The following KLHL6 variants were observed in gnomAD, a reference collection of about 807,000 sequenced individuals.
KLHL6 encodes the protein kelch-like protein 6.
In KLHL6, 41 loss-of-function variants were observed where a neutral mutation model predicts 58.6. The observed-to-expected ratio is 0.70, with a 90% CI of 0.55 to 0.91. KLHL6 has a LOEUF of 0.91. Ranked by LOEUF, KLHL6 falls within the 40% of genes least tolerant of loss-of-function variation. KLHL6 has a pLI of 0.00. For synonymous variants in KLHL6, 338 were observed against 322.7 expected, an observed-to-expected ratio of 1.05 and a Z score of -0.51; for missense variants, 714 against 805.6, an observed-to-expected ratio of 0.89 and a Z score of 1.38.
chr3:183,492,459 T>TA lies in KLHL6; in HGVS notation c.1564+34dup, dbSNP rs574145010. On this transcript the variant is annotated intron_variant, in intron 6 of 6. Coordinates refer to ENST00000341319, the MANE Select transcript of KLHL6 (RefSeq NM_130446.4). This position sits in a 1 kb window ranked among gnomAD's most constrained non-coding sequence, Gnocchi z 5.9. ...CTGCAGCCAGGCGCTCATCAGGTTC[T>TA]AAGCCATTCAGACCAATAAGAAGCC... 8,653 of 1,609,498 alleles carry TA rather than the reference T, an allele frequency of 5.4e-3. 31 individuals are homozygous for TA. Among genetic ancestry groups the TA allele is most frequent in the Non-Finnish European group, 6.7e-3 (7,898 of 1,175,896 alleles).
At chr3:183,543,837 A>G (rs1389579469) in intron 1 of KLHL6, among the ~76,000 whole-genome samples, 1 of 152,204 alleles carries the variant, frequency 6.6e-6, no homozygotes, top group African/African-American at 2.4e-5. Context: ...GCTATGATGC[A>G]ACCTGTTAGT....
intron 2 of KLHL6, among the ~76,000 whole-genome samples, chr3:183,513,443 T>TG (rs1370322621): frequency 1.3e-5 from 2 of 152,270 alleles, no homozygotes; most frequent in African/African-American, 4.8e-5. Context: ...GACAAAGGCT[T>TG]GGCAGATGCC....
rs114275969 is a variant in KLHL6 at position 183,513,754 on chromosome 3, G to A, written c.460-5246C>T. Among the ~76,000 whole-genome samples, 372 of 152,112 alleles carry A rather than the reference G, an allele frequency of 2.4e-3. 1 individual carries two copies. The highest frequency in any genetic ancestry group is 8.7e-3 in the African/African-American group (359 of 41,500). On this transcript the variant is annotated intron_variant, in intron 2 of 6. Coordinates refer to ENST00000341319, the MANE Select transcript of KLHL6 (RefSeq NM_130446.4). ...AAATTCTGGGACACTCGTGCAGAAT[G>A]TGCAGGTTTGTTACATAGGTATACG...
chr3:183,497,309 G>A (rs999035176), intron 4 of KLHL6, among the ~76,000 whole-genome samples: 1 of 152,228 alleles, frequency 6.6e-6, no homozygotes, highest in Admixed American at 6.5e-5. Flanking sequence ...CTACTCAGGA[G>A]GCTGAGGCAG....
rs192264515 is a variant in KLHL6, at chr3:183,513,818, G to T, written c.460-5310C>A. Among the ~76,000 whole-genome samples the T allele has an allele frequency of 3.4e-4, 51 of 152,196 alleles. No homozygotes were observed. The East Asian group carries it at 8.1e-3, about 24-fold the overall frequency. ...GCTGCACCTATCAACCCGTCATCTAGGTTTTAAGCCCTGCATGCATTAGGT... is the reference window on the plus strand; with the variant it reads ...GCTGCACCTATCAACCCGTCATCTATGTTTTAAGCCCTGCATGCATTAGGT... On this transcript the variant is annotated intron_variant, in intron 2 of 6. Coordinates refer to ENST00000341319, the MANE Select transcript of KLHL6 (RefSeq NM_130446.4).
chr3:183,510,815 G>A (rs182202383), intron 2 of KLHL6, among the ~76,000 whole-genome samples: 3 of 152,190 alleles, frequency 2.0e-5, no homozygotes, highest in African/African-American at 7.2e-5. Context: ...GGAGGTTGCG[G>A]TTAGCTGATA....
intron 2 of KLHL6, among the ~76,000 whole-genome samples, chr3:183,527,013 C>T (rs1296314199): frequency 3.3e-5 from 5 of 151,680 alleles, no homozygotes; most frequent in South Asian, 2.1e-4. Flanking sequence ...GCAGGAGAAT[C>T]GCTTAAACCC....
chr3:183,535,185 T>C (rs7638956), intron 1 of KLHL6, among the ~76,000 whole-genome samples: 5,678 of 152,182 alleles, frequency 0.037, 340 homozygotes, highest in African/African-American at 0.13. Flanking sequence ...CCTTGTGATC[T>C]GCCCGCCTCA....
At chr3:183,504,960 T>G (rs1717964070) in intron 3 of KLHL6, among the ~76,000 whole-genome samples, 1 of 152,234 alleles carries the variant, frequency 6.6e-6, no homozygotes, top group Non-Finnish European at 1.5e-5. Flanking sequence ...ATGCATTATT[T>G]GGTTTTCTGT....
chr3:183,534,680 G>A (rs922161570), intron 1 of KLHL6, among the ~76,000 whole-genome samples: 1 of 151,740 alleles, frequency 6.6e-6, no homozygotes, highest in Non-Finnish European at 1.5e-5. Flanking sequence ...GGGATTACAG[G>A]CATGAGCCCC....
chr3:183,517,624 G>T (rs1055431975), intron 2 of KLHL6, among the ~76,000 whole-genome samples: 1 of 152,228 alleles, frequency 6.6e-6, no homozygotes, highest in African/African-American at 2.4e-5. Context: ...CTGGGGAAAA[G>T]ACCAGCAGTG....
chr3:183,542,077 T>A (rs6800237), intron 1 of KLHL6, among the ~76,000 whole-genome samples: 2 of 151,888 alleles, frequency 1.3e-5, no homozygotes, highest in Non-Finnish European at 2.9e-5. Context: ...CTGCAGGCCC[T>A]CAGAGAGGAT....
intron 2 of KLHL6, chr3:183,520,800 G>A (rs536655120): frequency 5.3e-5 from 8 of 152,160 alleles, no homozygotes; most frequent in African/African-American, 1.9e-4. Context: ...TAGAATGTGC[G>A]ATCGGGTTTT....
At chr3:183,524,158 T>C (rs1159150322) in intron 2 of KLHL6, among the ~76,000 whole-genome samples, 1 of 152,154 alleles carries the variant, frequency 6.6e-6, no homozygotes, top group Non-Finnish European at 1.5e-5. Flanking sequence ...TCCTTCAAGA[T>C]GGAAAAATTT....
At position 183,516,466 on chromosome 3, in the gene KLHL6, GAGCAAAAGGTTGC is replaced by G. The variant is rs530824130; in HGVS notation, c.460-7971_460-7959del. On this transcript the variant is annotated intron_variant, in intron 2 of 6. Coordinates refer to ENST00000341319, the MANE Select transcript of KLHL6 (RefSeq NM_130446.4). ...CAGCTTCCTGTTTGGGGGGACATGT[GAGCAAAAGGTTGC>G]AGCCAGCCACCTGACTCTCAAATGA... 3.3e-5 allele frequency among the ~76,000 whole-genome samples: 5 copies of G among 152,350 alleles called. No individual in the cohort carries two copies. The East Asian group carries it at 9.6e-4, about 29-fold the overall frequency.
rs776726604 is a variant in KLHL6, at chr3:183,499,793, T to A, written c.944A>T (p.Glu315Val). The A allele has an allele frequency of 1.9e-6, 3 of 1,602,860 alleles. No individual in the cohort carries two copies. Among genetic ancestry groups the A allele is most frequent in the Non-Finnish European group, 2.6e-6 (3 of 1,174,762 alleles). ...GATCATGAACACCTCAGACTGGAAC[T>A]CATGCATCCTGGGCTTGGTGCGTTC... ...ISERTKPRMH[E>V]FQSEVFMIIG... is the part of the protein sequence containing the mutation. The change falls in exon 4 of 7, where the codon GAG (glutamate) becomes GTG (valine). Residue 315 changes from glutamate (E) to valine (V), a missense_variant. This residue lies in a region of KLHL6 where 510 missense variants were observed against 629.7 expected (regional missense o/e 0.81). Coordinates refer to ENST00000341319, the MANE Select transcript of KLHL6 (RefSeq NM_130446.4). This position sits in a 1 kb window ranked among gnomAD's most constrained non-coding sequence, Gnocchi z 4.6.
intron 3 of KLHL6, among the ~76,000 whole-genome samples, chr3:183,502,276 T>C (rs1717886649): frequency 1.4e-5 from 2 of 147,576 alleles, no homozygotes; most frequent in South Asian, 4.3e-4. Context: ...CACTCCAGCC[T>C]GGGCAACAAG....
intron 1 of KLHL6, among the ~76,000 whole-genome samples, chr3:183,535,651 A>G (rs1043366613): frequency 6.6e-6 from 1 of 152,174 alleles, no homozygotes; most frequent in Non-Finnish European, 1.5e-5. Flanking sequence ...GGATGTTCCA[A>G]TGGTTTAAGT....
At chr3:183,522,739 G>C (rs1358109464) in intron 2 of KLHL6, 1 of 152,196 alleles carries the variant, frequency 6.6e-6, no homozygotes, top group Non-Finnish European at 1.5e-5. Flanking sequence ...AGCCAGGATT[G>C]GGCTTCTTAG....
Sources: gnomAD v4.1 joint callset for allele counts (sites outside exome capture counted in the v4.1 genomes callset) on GRCh38, gnomAD v4.1.1 for gene constraint, gnomAD v4.1.1 regional missense constraint, Gnocchi (gnomAD v3.1) non-coding constraint, MANE v1.5 for transcripts, NCBI Gene and HGNC (gene_info 2026-07-23, HGNC 2026-07-21) for gene names.